Variants in CHN2 observed in about 807,000 individuals in gnomAD.
CHN2 encodes chimerin 2.
CHN2 carries 35 observed loss-of-function variants against 56.3 expected under a neutral mutation model. The ratio of observed to expected loss-of-function variants is 0.62; its 90% confidence interval spans 0.47 to 0.82. The LOEUF (loss-of-function observed/expected upper bound fraction) is 0.82. CHN2 is among the 40% of genes least tolerant of loss of function. The pLI is 0.00. For missense variants in CHN2, 491 were observed against 580.5 expected (o/e 0.85, Z 1.58); for synonymous variants, 210 against 212.8 (o/e 0.99, Z 0.12).
At chr7:29,199,035 C>T (rs1235575919) in intron 1 of CHN2, among the ~76,000 whole-genome samples, 1 of 152,142 alleles carries the variant, frequency 6.6e-6, no homozygotes, top group Non-Finnish European at 1.5e-5. Flanking sequence ...TCTTCAAAAC[C>T]TTAATTGGGA....
chr7:29,212,470 C>G, intron 1 of CHN2: 3 of 1,592,094 alleles, frequency 1.9e-6, no homozygotes, highest in Non-Finnish European at 2.6e-6. Context: ...CTTCTTCCTC[C>G]ATGGATCTGC....
At chr7:29,324,026 A>G (rs1795593649) in intron 1 of CHN2, among the ~76,000 whole-genome samples, 1 of 151,852 alleles carries the variant, frequency 6.6e-6, no homozygotes, top group South Asian at 2.1e-4. Context: ...CAAAACCAAA[A>G]AAAAGAAAAA....
chr7:29,480,217 T>C, intron 6 of CHN2, 62 bp from the exon 7 acceptor site: 6 of 1,613,846 alleles, frequency 3.7e-6, no homozygotes, highest in Non-Finnish European at 5.1e-6. Context: ...GCCTTCGGGG[T>C]GAAGGTGGGT....
At chr7:29,175,870 G>A (rs1797250403) in intron 2 of CHN2, among the ~76,000 whole-genome samples, 1 of 152,120 alleles carries the variant, frequency 6.6e-6, no homozygotes, top group African/African-American at 2.4e-5. Context: ...TATTCAAAGA[G>A]ATCATGACTA....
intron 2 of CHN2, among the ~76,000 whole-genome samples, chr7:29,355,041 T>C (rs1481553243): frequency 6.6e-6 from 1 of 152,012 alleles, no homozygotes; most frequent in Non-Finnish European, 1.5e-5. Flanking sequence ...CAATCTTGGC[T>C]CACCGCAACC....
At chr7:29,169,285 A>G (rs1270853487) in intron 2 of CHN2, among the ~76,000 whole-genome samples, 1 of 152,236 alleles carries the variant, frequency 6.6e-6, no homozygotes, top group Non-Finnish European at 1.5e-5. Flanking sequence ...AGAACATTCT[A>G]TTATTCAATC....
At chr7:29,222,406 C>A (rs914941243) in intron 1 of CHN2, among the ~76,000 whole-genome samples, 11 of 152,008 alleles carry the variant, frequency 7.2e-5, no homozygotes, top group Admixed American at 2.0e-4. Context: ...ATAGCCAAGA[C>A]AATCCTAAGC....
At chr7:29,287,901 A>G (rs986733085) in intron 1 of CHN2, among the ~76,000 whole-genome samples, 1 of 152,084 alleles carries the variant, frequency 6.6e-6, no homozygotes, top group Non-Finnish European at 1.5e-5. Context: ...TCTTGCTTGC[A>G]TTTGTTTGCA....
chr7:29,180,035 T>C (rs1013735044), intron 2 of CHN2, among the ~76,000 whole-genome samples: 1 of 152,232 alleles, frequency 6.6e-6, no homozygotes, highest in African/African-American at 2.4e-5. Context: ...AAATAAGATG[T>C]CCTTTCATCA....
At chr7:29,179,285 C>T (rs1797770020) in intron 2 of CHN2, among the ~76,000 whole-genome samples, 1 of 152,214 alleles carries the variant, frequency 6.6e-6, no homozygotes, top group Admixed American at 6.5e-5. Context: ...AGAACCACCC[C>T]ATCCCACGCC....
At chr7:29,328,814 G>A (rs7787032) in intron 1 of CHN2, among the ~76,000 whole-genome samples, 138,594 of 152,230 alleles carry the variant, frequency 0.91, 63,306 homozygotes, top group East Asian at 1. Flanking sequence ...AGCCTAAAAT[G>A]ACAAGTCGAG....
chr7:29,314,075 G>A (rs1794784353), intron 1 of CHN2, among the ~76,000 whole-genome samples: 1 of 152,116 alleles, frequency 6.6e-6, no homozygotes, highest in African/African-American at 2.4e-5. Context: ...AATAATTAAA[G>A]GCAAAATTTC....
At chr7:29,341,988 A>C (rs549272003) in intron 1 of CHN2, among the ~76,000 whole-genome samples, 24 of 152,330 alleles carry the variant, frequency 1.6e-4, no homozygotes, top group African/African-American at 5.8e-4. Context: ...CCTCTGTTCC[A>C]TGCTTCCTGG....
At chr7:29,476,616 T>G (rs542207256) in intron 6 of CHN2, among the ~76,000 whole-genome samples, 1 of 152,056 alleles carries the variant, frequency 6.6e-6, no homozygotes, top group Non-Finnish European at 1.5e-5. Context: ...ACTTGGCACA[T>G]AGTAAGCATG....
intron 6 of CHN2, among the ~76,000 whole-genome samples, chr7:29,436,459 G>A (rs1220717997): frequency 6.6e-6 from 1 of 152,158 alleles, no homozygotes; most frequent in Non-Finnish European, 1.5e-5. Context: ...CCAACTTATA[G>A]GTGCTCAACA....
chr7:29,249,148 A>G (rs1788298135), intron 1 of CHN2, among the ~76,000 whole-genome samples: 1 of 152,156 alleles, frequency 6.6e-6, no homozygotes, highest in Non-Finnish European at 1.5e-5. Flanking sequence ...GCCCCATGAC[A>G]GCCCATCTGC....
At chr7:29,313,582 A>G (rs1457845563) in intron 1 of CHN2, among the ~76,000 whole-genome samples, 1 of 152,182 alleles carries the variant, frequency 6.6e-6, no homozygotes, top group African/African-American at 2.4e-5. Flanking sequence ...AAAGCATCTC[A>G]TTTAGAGAAA....
intron 3 of CHN2, among the ~76,000 whole-genome samples, chr7:29,374,576 C>T (rs760033413): frequency 5.9e-5 from 9 of 152,018 alleles, no homozygotes; most frequent in Non-Finnish European, 5.9e-5. Context: ...AGGTCATAAG[C>T]GCTTGGGTAA....
At chr7:29,402,666 C>G (rs184106221) in intron 6 of CHN2, among the ~76,000 whole-genome samples, 2 of 152,318 alleles carry the variant, frequency 1.3e-5, no homozygotes, top group Non-Finnish European at 2.9e-5. Flanking sequence ...AGGATGCACA[C>G]TAGAACAGCT....
Sources: gnomAD v4.1 joint callset for allele counts (sites outside exome capture counted in the v4.1 genomes callset) on GRCh38, gnomAD v4.1.1 for gene constraint, MANE v1.5 for transcripts, NCBI Gene and HGNC (gene_info 2026-07-23, HGNC 2026-07-21) for gene names.